The following AATK variants were observed in gnomAD, a reference collection of about 807,000 sequenced individuals.
The protein encoded by AATK is lemur tail kinase 1.
In AATK, 91 loss-of-function variants were observed where a neutral mutation model predicts 114.3. The ratio of observed to expected loss-of-function variants is 0.80; its 90% CI spans 0.67 to 0.95. The LOEUF is 0.95. Ranked by LOEUF, AATK falls within the 40% of genes least tolerant of loss-of-function variation. The pLI is 0.00. For synonymous variants in AATK, 1,075 were observed against 916.5 expected, an observed-to-expected ratio of 1.17 and a Z score of -3.12; for missense variants, 2,176 against 1,965.2, an observed-to-expected ratio of 1.11 and a Z score of -2.03.
intron 1 of AATK, among the ~76,000 whole-genome samples, chr17:81,162,532 A>G (rs2061438867): frequency 6.6e-6 from 1 of 152,148 alleles, no homozygotes; most frequent in Non-Finnish European, 1.5e-5. Flanking sequence ...ACCCAGGCCC[A>G]TGGCCTCCTG....
intron 13 of AATK, 24 bp downstream of exon 13, chr17:81,119,356 G>A (rs1313966399): frequency 7.7e-6 from 3 of 389,950 alleles, no homozygotes; most frequent in African/African-American, 6.6e-5. Context: ...GTGCCCTTCT[G>A]CCACAGCCCC....
intron 4 of AATK, among the ~76,000 whole-genome samples, 162 bp downstream of exon 4, chr17:81,128,308 C>T (rs2060878474): frequency 6.6e-6 from 1 of 152,132 alleles, no homozygotes; most frequent in Non-Finnish European, 1.5e-5. Flanking sequence ...GAAGGGGATG[C>T]AGCCAGATGC....
intron 1 of AATK, among the ~76,000 whole-genome samples, chr17:81,164,062 G>A (rs967601713): frequency 6.6e-6 from 1 of 152,198 alleles, no homozygotes; most frequent in African/African-American, 2.4e-5. Context: ...GGAAGCTTGG[G>A]CCCTGGGGGT....
Position 81,121,654 on chromosome 17 carries a change from A to G in AATK, c.2282T>C (p.Val761Ala), listed in dbSNP as rs1176084807. ...AQGLAPAPCL[V>A]TPSWTETASS... ...GGCTGTCTCTGTCCAGGAGGGTGTA[A>G]CCAGGCAGGGAGCAGGTGCCAGGCC... The change falls in exon 11 of 14, where the codon GTT becomes GCT. Residue 761 changes from valine (V) to alanine (A), a missense_variant. This residue lies in a region of AATK where 1,701 missense variants were observed against 1,394.7 expected (regional missense o/e 1.22). Coordinates refer to ENST00000326724, the MANE Select transcript of AATK (RefSeq NM_001080395.3). 2 of 1,499,118 alleles carry G rather than the reference A, an allele frequency of 1.3e-6. No homozygotes were observed. The highest frequency in any genetic ancestry group is 2.3e-5 in the Admixed American group (1 of 43,446). 92.9% of individuals were successfully genotyped at this position (1,499,118 alleles called of 1,614,324 possible). A position where few individuals can be genotyped will look rare whatever the true frequency, so the allele number is the denominator to read the frequency against.
intron 1 of AATK, among the ~76,000 whole-genome samples, chr17:81,149,115 C>T (rs1452858524): frequency 6.6e-6 from 1 of 152,156 alleles, no homozygotes; most frequent in Non-Finnish European, 1.5e-5. Flanking sequence ...GAGCTGCATT[C>T]CGGGGCCGGG....
chr17:81,134,225 G>T, intron 2 of AATK, 143 bp downstream of exon 2: 1 of 1,116,646 alleles, frequency 9.0e-7, no homozygotes. Flanking sequence ...GGTCCACGTG[G>T]TCCCCAGGTG....
chr17:81,139,578 C>A (rs1236062079), intron 1 of AATK, among the ~76,000 whole-genome samples: 1 of 19,042 alleles, frequency 5.3e-5, no homozygotes, highest in Non-Finnish European at 2.0e-4. Context: ...TGCTGCGCGG[C>A]CCCCAGGCTC....
intron 1 of AATK, among the ~76,000 whole-genome samples, chr17:81,137,956 A>G (rs2061041408): frequency 6.6e-6 from 1 of 151,226 alleles, no homozygotes; most frequent in South Asian, 2.1e-4. Flanking sequence ...ACGCACGCAC[A>G]CATCCACACA....
intron 1 of AATK, chr17:81,165,554 C>T: frequency 1.9e-6 from 2 of 1,070,304 alleles, no homozygotes; most frequent in Non-Finnish European, 2.6e-6. Context: ...GGGCCCCGGA[C>T]CCAGGAGAGG....
chr17:81,137,653 C>A (rs1461861923), intron 1 of AATK, among the ~76,000 whole-genome samples: 1 of 152,114 alleles, frequency 6.6e-6, no homozygotes, highest in African/African-American at 2.4e-5. Context: ...TTGTAACAAT[C>A]CAGCACACAA....
At chr17:81,151,912 C>T (rs765060718) in intron 1 of AATK, among the ~76,000 whole-genome samples, 197 of 152,272 alleles carry the variant, frequency 1.3e-3, no homozygotes, top group Middle Eastern at 3.4e-3. Context: ...ATACAAATCT[C>T]CCCACCAAAT....
chr17:81,157,486 C>T (rs2061380978), intron 1 of AATK, among the ~76,000 whole-genome samples: 2 of 152,200 alleles, frequency 1.3e-5, no homozygotes, highest in African/African-American at 4.8e-5. Flanking sequence ...GCAGGGAACC[C>T]CCGCACAGTT....
At chr17:81,146,863 G>A (rs1405080947) in intron 1 of AATK, among the ~76,000 whole-genome samples, 1 of 151,324 alleles carries the variant, frequency 6.6e-6, no homozygotes, top group South Asian at 2.1e-4. Flanking sequence ...CGGCTGCCCA[G>A]GCCGTTTGGT....
At chr17:81,132,019 C>CTGCTATTT in intron 2 of AATK, 3 of 1,305,196 alleles carry the variant, frequency 2.3e-6, no homozygotes, top group Non-Finnish European at 3.0e-6. Flanking sequence ...GGGCCACTCC[C>CTGCTATTT]TGCCAGGCTG....
At chr17:81,128,678 G>A in intron 3 of AATK, 129 bp from the exon 4 acceptor site, 1 of 1,483,942 alleles carries the variant, frequency 6.7e-7, no homozygotes, top group Non-Finnish European at 9.0e-7. Context: ...AGCACCAGCT[G>A]GCAACCTTGG....
At chr17:81,155,512 G>T (rs571960051) in intron 1 of AATK, among the ~76,000 whole-genome samples, 1 of 151,590 alleles carries the variant, frequency 6.6e-6, no homozygotes, top group Non-Finnish European at 1.5e-5. Flanking sequence ...TCAGCCTCCC[G>T]AGCAGCTGGA....
rs1338608572 is a variant in AATK at position 81,120,325 on chromosome 17, G to A, written c.3611C>T (p.Ala1204Val). The change falls in exon 11 of 14, where the codon GCG becomes GTG. Residue 1204 changes from alanine to valine, a missense_variant. Physicochemically the swap from Ala to Val is moderately conservative, Grantham distance 64. Coordinates refer to ENST00000326724, the MANE Select transcript of AATK (RefSeq NM_001080395.3). ...CTTGAGCAGGCTGCGCAGGTTGCGC[G>A]CGCTCTGGCTCTCAGCCACCACCAC... is the stretch of plus-strand genomic sequence containing the variant. ...VPVVVAESQS[A>V]RNLRSLLKMP... 8 of 1,610,550 alleles carry A rather than the reference G, an allele frequency of 5.0e-6. No homozygotes were observed. In the Admixed American group the frequency reaches 1.0e-4, roughly 20 times the overall value.
In AATK at chr17:81,126,809, T is replaced by G; in HGVS notation, c.622-249A>C. The G allele has an allele frequency of 7.4e-7, 1 of 1,344,864 alleles. No homozygotes were observed. Among genetic ancestry groups the G allele is most frequent in the Non-Finnish European group, 9.5e-7 (1 of 1,047,620 alleles). The allele number at this position is 1,344,864 out of a possible 1,614,324, so 83.3% of individuals were successfully genotyped here. On this transcript the variant is annotated intron_variant, in intron 6 of 13. Coordinates refer to ENST00000326724, the MANE Select transcript of AATK (RefSeq NM_001080395.3). The surrounding 1 kb of genome is among the most constrained non-coding windows in gnomAD (Gnocchi z 5.1). ...CTCAGCCAGCCCCGGGCAGCAGGAG[T>G]CCCTTGGCCTGTGGTAGAGAGAGAA... is the stretch of plus-strand genomic sequence containing the variant.
chr17:81,125,011 G>A lies in AATK; in HGVS notation c.759C>T (p.Asp253=), dbSNP rs756469184. ...TGAGCAGGCAGTTCCGCAGGGCCAG[G>A]TCGCTGCAGGCAGGGGCAGGGGCAG... ...HLHRNNFVHS[D]LALRNCLLTA... The change falls in exon 8 of 14, where the codon GAC becomes GAT. Residue 253 remains aspartate, a synonymous_variant. Transcript: ENST00000326724. The A allele has an allele frequency of 3.9e-6, 6 of 1,538,158 alleles. No individual in the cohort carries two copies. The highest frequency in any genetic ancestry group is 2.7e-5 in the African/African-American group (2 of 73,112).
Sources: gnomAD v4.1 joint callset for allele counts (sites outside exome capture counted in the v4.1 genomes callset) on GRCh38, gnomAD v4.1.1 for gene constraint, gnomAD v4.1.1 regional missense constraint, Gnocchi (gnomAD v3.1) non-coding constraint, MANE v1.5 for transcripts, NCBI Gene and HGNC (gene_info 2026-07-23, HGNC 2026-07-21) for gene names.